SAMD12: variants seen among roughly 807,000 people sequenced by gnomAD.
SAMD12 encodes the protein sterile alpha motif domain containing 12.
Under a neutral mutation model 15.0 loss-of-function variants are expected in SAMD12, and 9 were observed. That is an observed-to-expected ratio of 0.60 (90% CI 0.36 to 1.05). The LOEUF (loss-of-function observed/expected upper bound fraction) is 1.05. Ranked by LOEUF, SAMD12 falls within the 50% of genes least tolerant of loss-of-function variation. The pLI is 0.01. For synonymous variants in SAMD12, 86 were observed against 90.1 expected (o/e 0.96, Z 0.25); for missense variants, 230 against 234.2 (o/e 0.98, Z 0.12).
chr8:118,224,815 C>A (rs17507634), intron 4 of SAMD12, among the ~76,000 whole-genome samples: 2 of 152,270 alleles, frequency 1.3e-5, no homozygotes, highest in Admixed American at 6.5e-5. Context: ...AGGAACAGAG[C>A]GCTTCTGGCA....
At chr8:118,355,154 A>G (rs1325495245) in intron 4 of SAMD12, among the ~76,000 whole-genome samples, 1 of 152,236 alleles carries the variant, frequency 6.6e-6, no homozygotes, top group African/African-American at 2.4e-5. Flanking sequence ...CCCATCAATC[A>G]ACAAGGGGAT....
At chr8:118,261,457 C>G (rs2130065106) in intron 4 of SAMD12, among the ~76,000 whole-genome samples, 1 of 152,164 alleles carries the variant, frequency 6.6e-6, no homozygotes, top group East Asian at 1.9e-4. Context: ...TTCAACAAGA[C>G]TCTCACATTT....
intron 2 of SAMD12, among the ~76,000 whole-genome samples, chr8:118,536,095 C>T (rs1825833525): frequency 6.6e-6 from 1 of 152,162 alleles, no homozygotes; most frequent in African/African-American, 2.4e-5. Flanking sequence ...GGAACCTCCC[C>T]TGTACCCAAG....
In SAMD12 at chr8:118,475,143, G is replaced by A. The variant is rs185926918; in HGVS notation, c.193-35182C>T. 2.1e-3 allele frequency among the ~76,000 whole-genome samples: 326 copies of A among 152,298 alleles called. 3 individuals are homozygous for A. Among genetic ancestry groups the A allele is most frequent in the African/African-American group, 7.6e-3 (316 of 41,556 alleles). ...AGTCCCAGCTACTCAGGAGGCTGAG[G>A]CAGGAGAATCACGTGACCCTGGGAG... On this transcript the variant is annotated intron_variant, in intron 2 of 3. Transcript: ENST00000314727.
At chr8:118,561,967 A>T (rs554409126) in intron 2 of SAMD12, among the ~76,000 whole-genome samples, 13 of 152,362 alleles carry the variant, frequency 8.5e-5, no homozygotes, top group African/African-American at 2.4e-4. Context: ...TATAGAAACC[A>T]ACATCCAGTA....
chr8:118,153,747 A>G, the SAMD12 span, among the ~76,000 whole-genome samples: 1 of 152,234 alleles, frequency 6.6e-6, no homozygotes, highest in African/African-American at 2.4e-5. Context: ...TCAGAGTGAT[A>G]TCTTTACCTT....
chr8:118,447,703 A>AT (rs1480012021), intron 2 of SAMD12, among the ~76,000 whole-genome samples: 1 of 90,948 alleles, frequency 1.1e-5, no homozygotes, highest in Non-Finnish European at 2.1e-5. Flanking sequence ...TTTTATTTTT[A>AT]ATATTTATTT....
At chr8:118,320,656 G>C (rs71530900) in intron 4 of SAMD12, among the ~76,000 whole-genome samples, 1 of 135,178 alleles carries the variant, frequency 7.4e-6, no homozygotes, top group Non-Finnish European at 1.6e-5. Flanking sequence ...ATCACACACC[G>C]GGGCCTGTCG....
chr8:118,391,401 T>C (rs4876820), intron 3 of SAMD12, among the ~76,000 whole-genome samples: 107,356 of 152,128 alleles, frequency 0.71, 39,086 homozygotes, highest in African/African-American at 0.85. Context: ...GTTTATTAAG[T>C]GTCACTAGGT....
At chr8:118,170,217 T>C in the SAMD12 span, among the ~76,000 whole-genome samples, 6 of 152,184 alleles carry the variant, frequency 3.9e-5, no homozygotes, top group African/African-American at 1.4e-4. Flanking sequence ...CTCAGAGTGC[T>C]CGTGAAGATT....
chr8:118,436,903 T>C (rs992939014), intron 3 of SAMD12, among the ~76,000 whole-genome samples: 1 of 152,182 alleles, frequency 6.6e-6, no homozygotes, highest in Non-Finnish European at 1.5e-5. Context: ...TAGATACTAT[T>C]AGCATCTCCT....
At chr8:118,486,244 C>G (rs1296830904) in intron 2 of SAMD12, among the ~76,000 whole-genome samples, 1 of 147,288 alleles carries the variant, frequency 6.8e-6, no homozygotes, top group African/African-American at 2.5e-5. Flanking sequence ...GAAACTCCGT[C>G]TCTACTAAAA....
intron 2 of SAMD12, among the ~76,000 whole-genome samples, chr8:118,544,038 T>A (rs919650850): frequency 4.6e-5 from 7 of 152,160 alleles, no homozygotes; most frequent in African/African-American, 1.7e-4. Context: ...GTCCTGTCTT[T>A]CACCATCTGT....
chr8:118,199,517 T>C (rs1819653447), intron 4 of SAMD12, among the ~76,000 whole-genome samples: 1 of 152,122 alleles, frequency 6.6e-6, no homozygotes, highest in African/African-American at 2.4e-5. Context: ...GAATAACCTA[T>C]AAAATACAAT....
chr8:118,365,549 T>A (rs953833014), intron 4 of SAMD12, among the ~76,000 whole-genome samples: 1 of 152,086 alleles, frequency 6.6e-6, no homozygotes, highest in African/African-American at 2.4e-5. Context: ...GCTTACAGAC[T>A]CTGGGACTTA....
In SAMD12 at chr8:118,258,906, G is replaced by A. The variant is rs115814925; in HGVS notation, c.434-61174C>T. ...CCTCTGCTTGACTCAAATAAACCACGCTCATCTGCCAGGCCCCTGCACACC... is the reference window on the plus strand; with the variant it reads ...CCTCTGCTTGACTCAAATAAACCACACTCATCTGCCAGGCCCCTGCACACC... On this transcript the variant is annotated intron_variant, in intron 4 of 4. Coordinates refer to the SAMD12 transcript ENST00000409003. Among the ~76,000 whole-genome samples the A allele has an allele frequency of 4.6e-3, 704 of 152,124 alleles. 2 individuals are homozygous for A. The highest frequency in any genetic ancestry group is 0.015 in the African/African-American group (633 of 41,532).
chr8:118,292,305 TATAATA>T (rs924538254), intron 4 of SAMD12, among the ~76,000 whole-genome samples: 65 of 140,002 alleles, frequency 4.6e-4, no homozygotes, highest in African/African-American at 1.6e-3. Context: ...AAATAAACAA[TATAATA>T]ATAATAATAA....
intron 2 of SAMD12, among the ~76,000 whole-genome samples, chr8:118,551,656 A>T (rs1826338928): frequency 6.6e-6 from 1 of 151,374 alleles, no homozygotes; most frequent in African/African-American, 2.4e-5. Flanking sequence ...AGCTAGCAGA[A>T]GGCAAGAAAT....
chr8:118,137,529 C>T, the SAMD12 span, among the ~76,000 whole-genome samples: 1 of 152,250 alleles, frequency 6.6e-6, no homozygotes, highest in South Asian at 2.1e-4. Flanking sequence ...ACCCTATTCT[C>T]CTGCCTCACT....
Sources: allele counts gnomAD v4.1 joint callset (sites outside exome capture counted in the v4.1 genomes callset), GRCh38; gene constraint gnomAD v4.1.1; transcripts MANE v1.5; gene names NCBI Gene and HGNC (gene_info 2026-07-23, HGNC 2026-07-21).